Variants in KAZN observed in about 807,000 individuals in gnomAD.
The protein encoded by KAZN is kazrin.
Under a neutral mutation model 87.4 loss-of-function variants are expected in KAZN, and 40 were observed. That is an observed-to-expected ratio of 0.46 (90% confidence interval 0.36 to 0.60). The LOEUF (loss-of-function observed/expected upper bound fraction) is 0.60. Among genes scored for constraint, KAZN ranks in the 20% least tolerant of loss-of-function variants. KAZN has a pLI of 0.00. For synonymous variants in KAZN, 466 were observed against 458.3 expected (o/e 1.02, Z -0.22); for missense variants, 898 against 1,073.9 (o/e 0.84, Z 2.29).
chr1:15,044,024 G>A lies in KAZN; in HGVS notation c.591G>A (p.Glu197=). 1 of 1,612,260 alleles carries A rather than the reference G, an allele frequency of 6.2e-7. No individual in the cohort carries two copies. The highest frequency in any genetic ancestry group is 8.5e-7 in the Non-Finnish European group (1 of 1,179,706). ...SEDAVKALAK[E]KDLLEREKWE... Reference sequence around the variant, plus strand: ...ATGCGGTCAAAGCGCTGGCCAAGGAGAAGGACCTGCTGGAGCGTGAGAAGT... The same window carrying A: ...ATGCGGTCAAAGCGCTGGCCAAGGAAAAGGACCTGCTGGAGCGTGAGAAGT... Residue 197 remains glutamate, a synonymous_variant, in exon 4 of 15, where the codon GAG becomes GAA. Transcript: ENST00000376030.
At chr1:14,170,666 C>A (rs185031584) in intron 1 of KAZN, among the ~76,000 whole-genome samples, 3 of 152,246 alleles carry the variant, frequency 2.0e-5, no homozygotes, top group Admixed American at 2.0e-4. Flanking sequence ...AAAAGGAAAC[C>A]CTGTACTCAT....
At chr1:14,160,738 T>G (rs1645692078) in intron 1 of KAZN, among the ~76,000 whole-genome samples, 1 of 152,204 alleles carries the variant, frequency 6.6e-6, no homozygotes, top group South Asian at 2.1e-4. Context: ...GGGGGTTCAC[T>G]AAAAGCCTCC....
chr1:14,970,222 G>T (rs1157719490), intron 2 of KAZN, among the ~76,000 whole-genome samples: 1 of 152,182 alleles, frequency 6.6e-6, no homozygotes, highest in Non-Finnish European at 1.5e-5. Flanking sequence ...TGTATACCCA[G>T]TTTCCCCGTT....
chr1:14,667,415 C>T (rs1458853547), intron 1 of KAZN, among the ~76,000 whole-genome samples: 1 of 152,180 alleles, frequency 6.6e-6, no homozygotes, highest in East Asian at 1.9e-4. Context: ...GCTCCAACCT[C>T]TTGAGCACAC....
intron 1 of KAZN, among the ~76,000 whole-genome samples, chr1:13,995,879 G>C (rs962680084): frequency 1.3e-5 from 2 of 152,140 alleles, no homozygotes; most frequent in Non-Finnish European, 2.9e-5. Context: ...CATTGTTTTG[G>C]CTTTGAAGCT....
chr1:14,168,220 T>C (rs1570923695), intron 1 of KAZN, among the ~76,000 whole-genome samples: 2 of 152,344 alleles, frequency 1.3e-5, no homozygotes, highest in East Asian at 1.9e-4. Context: ...GCGACTTTAT[T>C]GTAACGCATT....
At chr1:14,363,824 A>G (rs1163725159) in intron 2 of KAZN, among the ~76,000 whole-genome samples, 2 of 152,226 alleles carry the variant, frequency 1.3e-5, no homozygotes, top group Non-Finnish European at 2.9e-5. Context: ...AGATATTAGT[A>G]GTGTCCTACA....
intron 2 of KAZN, among the ~76,000 whole-genome samples, chr1:14,438,434 G>T (rs1207657141): frequency 6.6e-6 from 1 of 152,204 alleles, no homozygotes; most frequent in African/African-American, 2.4e-5. Context: ...AGAATAAGGG[G>T]ACAGGGAACG....
chr1:14,257,911 T>G, intron 2 of KAZN, among the ~76,000 whole-genome samples: 1 of 114,728 alleles, frequency 8.7e-6, no homozygotes, highest in Non-Finnish European at 1.6e-5. Flanking sequence ...ACCTGCACAA[T>G]GTGCACATGT....
chr1:14,437,325 A>T (rs1666451633), intron 2 of KAZN, among the ~76,000 whole-genome samples: 1 of 152,228 alleles, frequency 6.6e-6, no homozygotes, highest in African/African-American at 2.4e-5. Flanking sequence ...AGCAATGAGG[A>T]GCATTTTCAG....
intron 3 of KAZN, among the ~76,000 whole-genome samples, chr1:15,041,322 A>ATTTTTTTT (rs1220391505): frequency 1.2e-5 from 1 of 83,180 alleles, no homozygotes; most frequent in Non-Finnish European, 2.3e-5. Context: ...TACTCTCCGC[A>ATTTTTTTT]TTTTTTTTCT....
At chr1:14,664,856 C>T (rs1639421867) in intron 1 of KAZN, among the ~76,000 whole-genome samples, 1 of 152,064 alleles carries the variant, frequency 6.6e-6, no homozygotes, top group African/African-American at 2.4e-5. Context: ...GAGGTTTCAC[C>T]ATGTTAGCCA....
rs185516636 is a variant in KAZN at position 13,983,151 on chromosome 1, C to T, written c.91+89395C>T. Among the ~76,000 whole-genome samples, 1,161 of 152,362 alleles carry T rather than the reference C, an allele frequency of 7.6e-3. 14 individuals carry two copies. Among genetic ancestry groups the T allele is most frequent in the African/African-American group, 0.026 (1,065 of 41,592 alleles). Reference sequence around the variant, plus strand: ...CAGGTGGAGCTGCCTGGCAGTCCCGCGCCCTGCGCCTGCACTCCTCAGCCC... The same window carrying T: ...CAGGTGGAGCTGCCTGGCAGTCCCGTGCCCTGCGCCTGCACTCCTCAGCCC... On this transcript the variant is annotated intron_variant, in intron 1 of 16. Coordinates refer to the KAZN transcript ENST00000636203.
At chr1:15,080,084 C>T (rs1320103589) in intron 8 of KAZN, among the ~76,000 whole-genome samples, 1 of 152,022 alleles carries the variant, frequency 6.6e-6, no homozygotes, top group Non-Finnish European at 1.5e-5. Context: ...ATTCCCTGGC[C>T]CTTTGGAAAA....
rs559169472 is a variant in KAZN at position 14,545,665 on chromosome 1, G to A, written c.250-53318G>A. Among the ~76,000 whole-genome samples, 166 of 152,242 alleles carry A rather than the reference G, an allele frequency of 1.1e-3. 5 individuals are homozygous for A. In the South Asian group the frequency reaches 0.034, roughly 31 times the overall value. On this transcript the variant is annotated intron_variant, in intron 2 of 16. Transcript: ENST00000636203. ...TAACAAAAGAGCCGAGATCTCAGTGGCTTAAAAAAACAAAGTTGTATTGTT... is the reference window on the plus strand; with the variant it reads ...TAACAAAAGAGCCGAGATCTCAGTGACTTAAAAAAACAAAGTTGTATTGTT...
At chr1:14,517,742 C>G (rs184598712) in intron 2 of KAZN, among the ~76,000 whole-genome samples, 1 of 152,204 alleles carries the variant, frequency 6.6e-6, no homozygotes, top group Non-Finnish European at 1.5e-5. Context: ...AAGGGCAGTT[C>G]TTTGGAACAG....
intron 13 of KAZN, among the ~76,000 whole-genome samples, chr1:15,104,869 CA>C (rs1641241619): frequency 6.6e-6 from 1 of 152,176 alleles, no homozygotes; most frequent in East Asian, 1.9e-4. Context: ...GAAACTTCTT[CA>C]AAGGTACCAA....
chr1:14,902,787 G>A (rs1258714412), intron 1 of KAZN, among the ~76,000 whole-genome samples: 9 of 152,066 alleles, frequency 5.9e-5, no homozygotes, highest in Admixed American at 4.6e-4. Context: ...CCTGCTTTTT[G>A]AGGGGAGGGA....
At chr1:14,096,132 G>A (rs1328410652) in intron 1 of KAZN, among the ~76,000 whole-genome samples, 1 of 151,782 alleles carries the variant, frequency 6.6e-6, no homozygotes, top group Non-Finnish European at 1.5e-5. Context: ...ATAATCAAGG[G>A]GTAATTTCAC....
Sources: allele counts gnomAD v4.1 joint callset (sites outside exome capture counted in the v4.1 genomes callset), GRCh38; gene constraint gnomAD v4.1.1; transcripts MANE v1.5; gene names NCBI Gene and HGNC (gene_info 2026-07-23, HGNC 2026-07-21).